PCDHA8: variants seen among roughly 807,000 people sequenced by gnomAD.
The protein encoded by PCDHA8 is protocadherin alpha-8.
A neutral mutation model predicts 61.8 loss-of-function variants in PCDHA8; 53 were observed. The ratio of observed to expected loss-of-function variants is 0.86; its 90% confidence interval spans 0.69 to 1.08. The LOEUF is 1.08. PCDHA8 is among the 50% of genes least tolerant of loss of function. PCDHA8 has a pLI of 0.00. For missense variants in PCDHA8, 1,293 were observed against 1,245.0 expected (o/e 1.04, Z -0.58); for synonymous variants, 618 against 556.6 (o/e 1.11, Z -1.55).
intron 1 of PCDHA8, among the ~76,000 whole-genome samples, chr5:140,911,798 T>C (rs1387986120): frequency 6.6e-6 from 1 of 152,178 alleles, no homozygotes; most frequent in Non-Finnish European, 1.5e-5. Context: ...GGTCTAATCA[T>C]ATTAAGCAGC....
intron 1 of PCDHA8, among the ~76,000 whole-genome samples, chr5:140,942,466 A>G (rs1269455545): frequency 2.0e-5 from 3 of 152,266 alleles, no homozygotes; most frequent in African/African-American, 7.2e-5. Flanking sequence ...TAATACAATC[A>G]AATTCAAGCT....
At chr5:140,907,377 C>T (rs2073348359) in intron 1 of PCDHA8, among the ~76,000 whole-genome samples, 1 of 152,124 alleles carries the variant, frequency 6.6e-6, no homozygotes, top group Non-Finnish European at 1.5e-5. Context: ...AAAGTGAGTG[C>T]CTTGGTCAAA....
intron 1 of PCDHA8, among the ~76,000 whole-genome samples, chr5:140,944,014 C>A (rs1205860914): frequency 1.3e-5 from 2 of 152,022 alleles, no homozygotes; most frequent in African/African-American, 2.4e-5. Context: ...CCCCCAAAAG[C>A]AATTATCTTC....
intron 1 of PCDHA8, chr5:140,870,270 G>C (rs139719896): frequency 0.022 from 34,719 of 1,614,158 alleles, 446 homozygotes; most frequent in African/African-American, 0.029. Flanking sequence ...GCTCGCTGAC[G>C]CCCCACGTTC....
At chr5:140,903,401 T>A (rs577425497) in intron 1 of PCDHA8, among the ~76,000 whole-genome samples, 2 of 152,336 alleles carry the variant, frequency 1.3e-5, no homozygotes, top group East Asian at 3.9e-4. Flanking sequence ...GAAACAGTAG[T>A]GCAGTCAGGA....
chr5:140,932,700 AT>A (rs2088549755), intron 1 of PCDHA8, among the ~76,000 whole-genome samples: 1 of 151,992 alleles, frequency 6.6e-6, no homozygotes, highest in Non-Finnish European at 1.5e-5. Context: ...AAAAACTCAT[AT>A]AGACAACACA....
chr5:140,869,724 A>G (rs1554163381), intron 1 of PCDHA8: 1 of 1,613,416 alleles, frequency 6.2e-7, no homozygotes. Flanking sequence ...AAACTCCGGA[A>G]CTTAATTTGC....
intron 1 of PCDHA8, among the ~76,000 whole-genome samples, chr5:140,886,842 AAAAAAG>A (rs1562824849): frequency 6.6e-6 from 1 of 151,524 alleles, no homozygotes. Flanking sequence ...AAAAAAAAAA[AAAAAAG>A]AAAGGTCTTC....
chr5:140,890,386 A>T (rs905205351), intron 1 of PCDHA8, among the ~76,000 whole-genome samples: 1 of 152,202 alleles, frequency 6.6e-6, no homozygotes, highest in African/African-American at 2.4e-5. Context: ...TCTTTCTTAG[A>T]TAATCTATAA....
chr5:140,877,195 G>A, intron 1 of PCDHA8: 2 of 1,613,838 alleles, frequency 1.2e-6, no homozygotes, highest in East Asian at 2.2e-5. Context: ...CAGCGCAGGA[G>A]GCGCAGTTAG....
At chr5:140,876,154 A>T (rs781957040) in intron 1 of PCDHA8, 4 of 1,613,972 alleles carry the variant, frequency 2.5e-6, no homozygotes, top group Non-Finnish European at 2.5e-6. Context: ...GTCTGTCCAG[A>T]TTCAAATAAC....
chr5:140,941,446 G>C (rs1241311664), intron 1 of PCDHA8, among the ~76,000 whole-genome samples: 1 of 150,694 alleles, frequency 6.6e-6, no homozygotes, highest in African/African-American at 2.4e-5. Flanking sequence ...CTCGGGAGTA[G>C]CTGGGATTAC....
intron 1 of PCDHA8, among the ~76,000 whole-genome samples, chr5:140,953,146 A>G (rs1554220822): frequency 6.6e-6 from 1 of 152,152 alleles, no homozygotes; most frequent in Non-Finnish European, 1.5e-5. Context: ...TTATATTTCT[A>G]TGAAGGGTGT....
chr5:140,981,024 A>G (rs2096915063), intron 2 of PCDHA8, among the ~76,000 whole-genome samples: 2 of 152,112 alleles, frequency 1.3e-5, no homozygotes, highest in Admixed American at 6.5e-5. Flanking sequence ...AAGGCTGTTA[A>G]TATTTGGGGA....
At chr5:140,975,130 G>C (rs1445050521) in intron 1 of PCDHA8, among the ~76,000 whole-genome samples, 1 of 152,082 alleles carries the variant, frequency 6.6e-6, no homozygotes, top group Non-Finnish European at 1.5e-5. Flanking sequence ...CTTACTATTG[G>C]CCTGGGGTCA....
rs782380359 is a variant in PCDHA8 at position 140,858,226 on chromosome 5, C to T, written c.2394+14511C>T. ...CACTGAGGTGCTCGGCGGCGCCCAC[C>T]GAGGGCGCATGTGGGCCGGTGAAGC... On this transcript the variant is annotated intron_variant, in intron 1 of 3. Transcript: ENST00000531613. 1.3e-5 allele frequency: 21 copies of T among 1,595,412 alleles called. 1 individual carries two copies. The highest frequency in any genetic ancestry group is 1.6e-5 in the Non-Finnish European group (19 of 1,165,410).
intron 1 of PCDHA8, among the ~76,000 whole-genome samples, chr5:140,974,552 C>A (rs1554236185): frequency 6.6e-6 from 1 of 152,112 alleles, no homozygotes; most frequent in Non-Finnish European, 1.5e-5. Context: ...GCTCTTGTTG[C>A]CCAGGCTGGA....
chr5:140,968,927 T>C (rs1554231254), intron 1 of PCDHA8: 3 of 1,614,090 alleles, frequency 1.9e-6, no homozygotes, highest in African/African-American at 1.3e-5. Flanking sequence ...TATATTTCTT[T>C]TGACAATCAT....
chr5:140,943,346 G>C (rs2153662502), intron 1 of PCDHA8, among the ~76,000 whole-genome samples: 1 of 151,738 alleles, frequency 6.6e-6, no homozygotes, highest in East Asian at 1.9e-4. Context: ...GACAGGATGA[G>C]AGTAGAGGAA....
Sources: gnomAD v4.1 joint callset for allele counts (sites outside exome capture counted in the v4.1 genomes callset) on GRCh38, gnomAD v4.1.1 for gene constraint, MANE v1.5 for transcripts, NCBI Gene and HGNC (gene_info 2026-07-23, HGNC 2026-07-21) for gene names.